Variants in ABLIM1 observed in about 807,000 individuals in gnomAD.
The protein encoded by ABLIM1 is actin-binding LIM protein 1.
ABLIM1 carries 40 observed loss-of-function variants against 107.0 expected under a neutral mutation model. That is an observed-to-expected ratio of 0.37 (90% CI 0.29 to 0.49). The LOEUF is 0.49. Among genes scored for constraint, ABLIM1 ranks in the 20% least tolerant of loss-of-function variants. The pLI is 0.97. For synonymous variants in ABLIM1, 357 were observed against 357.3 expected (o/e 1.00, Z 0.01); for missense variants, 857 against 1,008.5 (o/e 0.85, Z 2.04).
chr10:114,454,999 A>T (rs2062533929), intron 12 of ABLIM1, among the ~76,000 whole-genome samples: 1 of 152,218 alleles, frequency 6.6e-6, no homozygotes, highest in Non-Finnish European at 1.5e-5. Context: ...AACACTAATA[A>T]TTTTAAATAA....
chr10:114,469,051 CAAAAAAAAA>C (rs71473043), intron 10 of ABLIM1, among the ~76,000 whole-genome samples: 3 of 75,336 alleles, frequency 4.0e-5, no homozygotes, highest in Non-Finnish European at 7.3e-5. Flanking sequence ...GACTCTGTCT[CAAAAAAAAA>C]AAAAAAAAAA....
In ABLIM1 at chr10:114,603,535, T is replaced by C. The variant is rs75661079; in HGVS notation, c.245-1574A>G. Among the ~76,000 whole-genome samples, 582 of 152,012 alleles carry C rather than the reference T, an allele frequency of 3.8e-3. 7 individuals are homozygous for C. Among genetic ancestry groups the C allele is most frequent in the African/African-American group, 0.013 (544 of 41,428 alleles). The stretch of plus-strand genomic sequence containing the variant: ...TGTATTTACAACATAACTCAGTTAT[T>C]ATCTAAAGGAATTAAGGAGGGACAT... On this transcript the variant is annotated intron_variant, in intron 1 of 22. Coordinates refer to ENST00000533213, the MANE Select transcript of ABLIM1 (RefSeq NM_002313.7).
At chr10:114,759,083 G>A (rs1478773179) in intron 1 of ABLIM1, among the ~76,000 whole-genome samples, 11 of 152,008 alleles carry the variant, frequency 7.2e-5, no homozygotes, top group Non-Finnish European at 1.2e-4. Flanking sequence ...TTGCATGCTC[G>A]ACCCACAACT....
At chr10:114,539,322 C>T (rs1439273862) in intron 6 of ABLIM1, among the ~76,000 whole-genome samples, 1 of 152,184 alleles carries the variant, frequency 6.6e-6, no homozygotes, top group Non-Finnish European at 1.5e-5. Flanking sequence ...CATACCACTG[C>T]ACTCCAGCCT....
In ABLIM1 at chr10:114,602,023, A is replaced by G. The variant is rs560701822; in HGVS notation, c.245-62T>C. On this transcript the variant is annotated intron_variant, in intron 1 of 22. Transcript: ENST00000533213. Reference sequence around the variant, plus strand: ...GAGCATTCCTGCAAAAGGGGTCATCATGGTATCTCTGTAATTTTGGTGTCA... The same window carrying G: ...GAGCATTCCTGCAAAAGGGGTCATCGTGGTATCTCTGTAATTTTGGTGTCA... 4.5e-5 allele frequency: 72 copies of G among 1,599,602 alleles called. No individual in the cohort carries two copies. The South Asian group carries it at 7.0e-4, about 15-fold the overall frequency.
chr10:114,744,003 G>A (rs915324692), intron 1 of ABLIM1, among the ~76,000 whole-genome samples: 1 of 152,192 alleles, frequency 6.6e-6, no homozygotes, highest in Non-Finnish European at 1.5e-5. Flanking sequence ...GAACCACCAG[G>A]AATGCAGCCT....
At chr10:114,520,810 A>T (rs1325175480) in intron 6 of ABLIM1, among the ~76,000 whole-genome samples, 3 of 151,832 alleles carry the variant, frequency 2.0e-5, no homozygotes, top group Non-Finnish European at 2.9e-5. Flanking sequence ...TGTCTCTAAA[A>T]AATAATAATA....
the ABLIM1 span, among the ~76,000 whole-genome samples, chr10:114,793,419 A>C: frequency 6.6e-6 from 1 of 152,092 alleles, no homozygotes; most frequent in Admixed American, 6.5e-5. Flanking sequence ...AGGCCTCCCC[A>C]CAACCAAGCA....
rs930765066 is a variant in ABLIM1, at chr10:114,477,362, A to G, written c.1042-3406T>C. ...GGAGAGGGTGTGCGGCAGGAGCATC[A>G]GATGTCTTCGGTTACTGGGGTTGCT... On this transcript the variant is annotated intron_variant, in intron 8 of 22. Transcript: ENST00000533213. Among the ~76,000 whole-genome samples, 5 of 152,324 alleles carry G rather than the reference A, an allele frequency of 3.3e-5. No homozygotes were observed. The East Asian group carries it at 7.7e-4, about 24-fold the overall frequency.
At chr10:114,558,102 T>C (rs1035472906) in intron 4 of ABLIM1, among the ~76,000 whole-genome samples, 1 of 152,196 alleles carries the variant, frequency 6.6e-6, no homozygotes, top group African/African-American at 2.4e-5. Flanking sequence ...GTCTCAGTCA[T>C]TGACTTTCTG....
intron 12 of ABLIM1, among the ~76,000 whole-genome samples, chr10:114,462,769 TA>T (rs2064218035): frequency 1.3e-5 from 2 of 151,700 alleles, no homozygotes; most frequent in Admixed American, 1.3e-4. Flanking sequence ...TATATATATA[TA>T]TTTTCTTTTT....
At chr10:114,591,345 G>T (rs2074846938) in intron 2 of ABLIM1, among the ~76,000 whole-genome samples, 1 of 152,116 alleles carries the variant, frequency 6.6e-6, no homozygotes, top group Admixed American at 6.6e-5. Flanking sequence ...ATCAGTTTAT[G>T]TTTATTAAAT....
upstream of ABLIM1, among the ~76,000 whole-genome samples, chr10:114,770,507 C>G (rs1312419397): frequency 1.3e-5 from 2 of 152,128 alleles, no homozygotes; most frequent in Non-Finnish European, 2.9e-5. Context: ...CATTTTTCTT[C>G]CCCAGTGTCC....
At chr10:114,784,890 C>T in the ABLIM1 span, among the ~76,000 whole-genome samples, 7 of 151,494 alleles carry the variant, frequency 4.6e-5, no homozygotes, top group East Asian at 1.2e-3. Context: ...ATGTCATAAG[C>T]TACCTAAACA....
chr10:114,676,881 G>A (rs1250523009), intron 1 of ABLIM1, among the ~76,000 whole-genome samples: 3 of 152,032 alleles, frequency 2.0e-5, no homozygotes, highest in South Asian at 2.1e-4. Flanking sequence ...GAGTACAGGC[G>A]TGCACCAGCA....
At chr10:114,681,486 C>T (rs1002582257) in intron 1 of ABLIM1, among the ~76,000 whole-genome samples, 2 of 152,220 alleles carry the variant, frequency 1.3e-5, no homozygotes, top group Non-Finnish European at 2.9e-5. Context: ...TGAGCCATCA[C>T]GCCTGGCCTA....
At chr10:114,793,117 C>T in the ABLIM1 span, among the ~76,000 whole-genome samples, 30 of 152,002 alleles carry the variant, frequency 2.0e-4, no homozygotes, top group Admixed American at 1.8e-3. Flanking sequence ...GCGCCTCTGC[C>T]CTCCAGCCTG....
intron 12 of ABLIM1, among the ~76,000 whole-genome samples, chr10:114,455,898 C>T (rs994710956): frequency 7.9e-5 from 12 of 151,876 alleles, no homozygotes; most frequent in Non-Finnish European, 1.6e-4. Context: ...CTGCAAGCTC[C>T]GCCTCCTGGG....
rs1331064856 is a variant in ABLIM1 at position 114,437,894 on chromosome 10, T to C, written c.2173A>G (p.Asn725Asp). ...CTGAGGATTTTGTTTCGCCCTCTGT[T>C]GGTCACCATGAGCATTTCATATGGA... is the stretch of plus-strand genomic sequence containing the variant. ...IFPYEMLMVT[N>D]RGRNKILREV... The change falls in exon 22 of 23, where the codon AAC (asparagine) becomes GAC (aspartate). Residue 725 changes from asparagine to aspartate, a missense_variant. Physicochemically the swap from Asn to Asp is conservative, Grantham distance 23. Around this residue, in one of 5 missense-constraint regions of ABLIM1, gnomAD observed 193 missense variants for 208.5 expected, o/e 0.93. Transcript: ENST00000533213. 6.2e-7 allele frequency: 1 copy of C among 1,614,044 alleles called. No homozygotes were observed. Among genetic ancestry groups the C allele is most frequent in the African/African-American group, 1.3e-5 (1 of 74,914 alleles).
Sources: gnomAD v4.1 joint callset for allele counts (sites outside exome capture counted in the v4.1 genomes callset) on GRCh38, gnomAD v4.1.1 for gene constraint, gnomAD v4.1.1 regional missense constraint, MANE v1.5 for transcripts, NCBI Gene and HGNC (gene_info 2026-07-23, HGNC 2026-07-21) for gene names.